The following NEO1 variants were observed in gnomAD, a reference collection of about 807,000 sequenced individuals.
NEO1 encodes the protein neogenin 1.
A neutral mutation model predicts 159.7 loss-of-function variants in NEO1; 63 were observed. The ratio of observed to expected loss-of-function variants is 0.39; its 90% CI spans 0.32 to 0.49. The LOEUF is 0.49. NEO1 is among the 20% of genes least tolerant of loss of function. The pLI, the probability that NEO1 is intolerant of heterozygous loss-of-function variation, is 0.85. For synonymous variants in NEO1, 633 were observed against 662.0 expected (o/e 0.96, Z 0.67); for missense variants, 1,615 against 1,831.0 (o/e 0.88, Z 2.15).
chr15:73,256,605 TCCTCA>T (rs1304031197), intron 13 of NEO1, among the ~76,000 whole-genome samples: 1 of 152,172 alleles, frequency 6.6e-6, no homozygotes, highest in Non-Finnish European at 1.5e-5. Context: ...AGCTTCTCAC[TCCTCA>T]CCTCACAAAT....
chr15:73,058,826 A>G (rs184107215), intron 1 of NEO1, among the ~76,000 whole-genome samples: 33 of 152,340 alleles, frequency 2.2e-4, no homozygotes, highest in African/African-American at 5.8e-4. Flanking sequence ...TCTGAAGTCC[A>G]TAAAATGGAA....
chr15:73,253,309 C>A, intron 11 of NEO1, 91 bp from the exon 12 acceptor site: 1 of 659,790 alleles, frequency 1.5e-6, no homozygotes. Context: ...TTGAGATGTG[C>A]ATTTGTTTAA....
At chr15:73,068,956 CTTT>C (rs35031912) in intron 1 of NEO1, among the ~76,000 whole-genome samples, 73 of 135,942 alleles carry the variant, frequency 5.4e-4, no homozygotes, top group Non-Finnish European at 6.9e-4. Context: ...TAGAGTGGGG[CTTT>C]TTTTTTTTTT....
chr15:73,266,995 A>G (rs1231367672), intron 16 of NEO1, among the ~76,000 whole-genome samples: 1 of 152,238 alleles, frequency 6.6e-6, no homozygotes, highest in African/African-American at 2.4e-5. Flanking sequence ...GCAGTGGTTC[A>G]TGCCTGTAAT....
chr15:73,122,127 A>G (rs1484637646), intron 2 of NEO1, among the ~76,000 whole-genome samples: 2 of 29,720 alleles, frequency 6.7e-5, no homozygotes, highest in African/African-American at 5.0e-4. Flanking sequence ...ATGTATAGCA[A>G]TGAATAAAGA....
intron 11 of NEO1, among the ~76,000 whole-genome samples, chr15:73,250,237 C>T (rs552362546): frequency 3.4e-4 from 51 of 151,954 alleles, no homozygotes; most frequent in African/African-American, 1.1e-3. Flanking sequence ...GTTTTTCGAA[C>T]TACAGCTTGC....
At chr15:73,081,245 A>G (rs549321697) in intron 1 of NEO1, among the ~76,000 whole-genome samples, 18 of 152,156 alleles carry the variant, frequency 1.2e-4, no homozygotes, top group African/African-American at 4.3e-4. Flanking sequence ...TTTGGGATTC[A>G]AACTCCTCTT....
At chr15:73,269,912 T>C in intron 16 of NEO1, 98 bp from the exon 17 acceptor site, 1 of 926,238 alleles carries the variant, frequency 1.1e-6, no homozygotes, top group Non-Finnish European at 1.7e-6. Context: ...TCTCCATTTC[T>C]CACCTTTCAT....
chr15:73,253,217 G>A (rs1189214396), intron 11 of NEO1, among the ~76,000 whole-genome samples, 183 bp from the exon 12 acceptor site: 1 of 152,044 alleles, frequency 6.6e-6, no homozygotes, highest in Non-Finnish European at 1.5e-5. Context: ...AATTGAACCA[G>A]GCATGGCTAT....
In NEO1 at chr15:73,090,335, C is replaced by T. The variant is rs570366890; in HGVS notation, c.131-26205C>T. 2.6e-4 allele frequency among the ~76,000 whole-genome samples: 40 copies of T among 152,228 alleles called. 1 individual carries two copies. The South Asian group carries it at 8.1e-3, about 31-fold the overall frequency. On this transcript the variant is annotated intron_variant, in intron 1 of 28. Coordinates refer to ENST00000261908, the MANE Select transcript of NEO1 (RefSeq NM_002499.4). ...TCAGCCTCCTGAGTAGCTGGTACTA[C>T]AGGCGCATGCTGCCAAGCCTATTAC...
intron 1 of NEO1, among the ~76,000 whole-genome samples, chr15:73,054,486 G>A (rs1408339042): frequency 1.3e-5 from 2 of 152,162 alleles, no homozygotes; most frequent in East Asian, 3.8e-4. Context: ...AGGAAAGATA[G>A]CCATCCATCT....
intron 7 of NEO1, among the ~76,000 whole-genome samples, chr15:73,180,087 A>G (rs1391791540): frequency 2.6e-5 from 4 of 152,126 alleles, no homozygotes; most frequent in African/African-American, 9.7e-5. Context: ...CAACTGAAAC[A>G]TTTTTCATTT....
At chr15:73,231,136 T>C (rs867231256) in intron 7 of NEO1, among the ~76,000 whole-genome samples, 1 of 152,302 alleles carries the variant, frequency 6.6e-6, no homozygotes, top group East Asian at 1.9e-4. Context: ...CAAAAACTGC[T>C]AAAACTATTA....
At chr15:73,072,567 T>C (rs1158389877) in intron 1 of NEO1, among the ~76,000 whole-genome samples, 2 of 152,304 alleles carry the variant, frequency 1.3e-5, no homozygotes, top group East Asian at 1.9e-4. Flanking sequence ...CCTGGTAAAG[T>C]TCACACTTGT....
At chr15:73,245,865 G>A (rs887476248) in intron 9 of NEO1, among the ~76,000 whole-genome samples, 3 of 151,968 alleles carry the variant, frequency 2.0e-5, no homozygotes, top group Non-Finnish European at 4.4e-5. Context: ...ACAAGCATGA[G>A]CCATCGCACC....
intron 7 of NEO1, among the ~76,000 whole-genome samples, chr15:73,197,265 A>AG (rs1241295045): frequency 6.6e-6 from 1 of 152,116 alleles, no homozygotes; most frequent in Non-Finnish European, 1.5e-5. Context: ...AGGCTGAGGC[A>AG]GGGGAATCAC....
At chr15:73,074,444 T>TAA (rs2068676188) in intron 1 of NEO1, among the ~76,000 whole-genome samples, 1 of 152,228 alleles carries the variant, frequency 6.6e-6, no homozygotes, top group South Asian at 2.1e-4. Context: ...AGAATGTACA[T>TAA]AAATTAATGG....
At chr15:73,226,605 A>G (rs1046354986) in intron 7 of NEO1, among the ~76,000 whole-genome samples, 3 of 152,188 alleles carry the variant, frequency 2.0e-5, no homozygotes, top group Non-Finnish European at 4.4e-5. Flanking sequence ...ATGTGTTAAC[A>G]TTTCCCAAAA....
At chr15:73,052,993 G>A (rs1366316804) in intron 1 of NEO1, among the ~76,000 whole-genome samples, 188 bp downstream of exon 1, 1 of 151,906 alleles carries the variant, frequency 6.6e-6, no homozygotes, top group Non-Finnish European at 1.5e-5. Context: ...GGCGCCACCG[G>A]GGAAGGGGCG....
Sources: gnomAD v4.1 joint callset for allele counts (sites outside exome capture counted in the v4.1 genomes callset) on GRCh38, gnomAD v4.1.1 for gene constraint, MANE v1.5 for transcripts, NCBI Gene and HGNC (gene_info 2026-07-23, HGNC 2026-07-21) for gene names.